ZFAND3: variants seen among roughly 807,000 people sequenced by gnomAD.
ZFAND3 encodes the protein zinc finger AN1-type containing 3, also known as AN1-type zinc finger protein 3.
A neutral mutation model predicts 29.6 loss-of-function variants in ZFAND3; 10 were observed. The ratio of observed to expected loss-of-function variants is 0.34; its 90% CI spans 0.21 to 0.57. The LOEUF (loss-of-function observed/expected upper bound fraction) is 0.57. ZFAND3 is among the 20% of genes least tolerant of loss of function. The probability of loss-of-function intolerance (pLI) is 0.86; values close to 1 mark genes in which losing one functional copy is unlikely to be tolerated. For missense variants in ZFAND3, 230 were observed against 304.5 expected (o/e 0.76, Z 1.82); for synonymous variants, 128 against 112.6 (o/e 1.14, Z -0.87).
chr6:37,913,169 A>T (rs764524406), intron 1 of ZFAND3, among the ~76,000 whole-genome samples: 3 of 152,170 alleles, frequency 2.0e-5, no homozygotes, highest in Non-Finnish European at 4.4e-5. Context: ...TAAGACAACA[A>T]TGAAGTTTGC....
rs192450354 is a variant in ZFAND3 at position 38,092,139 on chromosome 6, A to G, written c.361+9682A>G. On this transcript the variant is annotated intron_variant, in intron 4 of 5. Transcript: ENST00000287218. ...GGATCTTCAGAAATATTTCATAATC[A>G]TGGCCGATTAAAGTTGTAATCTTAT... Among the ~76,000 whole-genome samples, 716 of 152,280 alleles carry G rather than the reference A, an allele frequency of 4.7e-3. 7 individuals are homozygous for G. Among genetic ancestry groups the G allele is most frequent in the African/African-American group, 0.017 (704 of 41,538 alleles).
In ZFAND3 at chr6:38,152,679, G is replaced by C. The variant is rs1202725734; in HGVS notation, c.*290G>C. 2.7e-6 allele frequency: 3 copies of C among 1,111,316 alleles called. No homozygotes were observed. Among genetic ancestry groups the C allele is most frequent in the African/African-American group, 1.6e-5 (1 of 61,466 alleles). The allele number at this position is 1,111,316 out of a possible 1,614,324, so 68.8% of individuals were successfully genotyped here. A position where few individuals can be genotyped will look rare whatever the true frequency, so the allele number is the denominator to read the frequency against. ...TTTAAAACAACACATACCTGTCACT[G>C]CTGGAGTCAAACTTATAAAAAGCCT... On this transcript the variant is annotated 3_prime_UTR_variant, in exon 6 of 6. Transcript: ENST00000287218.
intron 2 of ZFAND3, among the ~76,000 whole-genome samples, chr6:38,056,912 C>T (rs552446270): frequency 6.6e-6 from 1 of 152,230 alleles, no homozygotes; most frequent in South Asian, 2.1e-4. Flanking sequence ...AAAGTGCAAA[C>T]GTTTTTAAAT....
intron 3 of ZFAND3, among the ~76,000 whole-genome samples, chr6:38,077,410 A>G (rs1375172416): frequency 6.6e-6 from 1 of 152,126 alleles, no homozygotes; most frequent in Non-Finnish European, 1.5e-5. Flanking sequence ...TTTAGTTGAT[A>G]AAATAATTAG....
At chr6:38,072,620 CTTTA>C (rs1347436649) in intron 3 of ZFAND3, among the ~76,000 whole-genome samples, 3 of 151,692 alleles carry the variant, frequency 2.0e-5, no homozygotes, top group African/African-American at 4.8e-5. Flanking sequence ...TAAATCTAAG[CTTTA>C]TTTATGACAA....
intron 2 of ZFAND3, among the ~76,000 whole-genome samples, chr6:37,963,433 AAAG>A (rs1038979683): frequency 6.6e-6 from 1 of 152,222 alleles, no homozygotes; most frequent in Non-Finnish European, 1.5e-5. Flanking sequence ...CTTAACTAAA[AAAG>A]CAAGAGCAAA....
intron 1 of ZFAND3, among the ~76,000 whole-genome samples, chr6:37,889,373 A>G (rs190228794): frequency 8.9e-4 from 135 of 152,308 alleles, no homozygotes; most frequent in African/African-American, 2.9e-3. Context: ...ATTGTGTGCC[A>G]AAAGGAATAA....
chr6:38,072,142 C>T (rs60972339), intron 3 of ZFAND3, among the ~76,000 whole-genome samples: 5 of 62,942 alleles, frequency 7.9e-5, no homozygotes, highest in African/African-American at 1.2e-4. Context: ...CTGTTTCTCT[C>T]TCTCTCTCTC....
At chr6:37,885,472 C>T (rs1215725892) in intron 1 of ZFAND3, among the ~76,000 whole-genome samples, 1 of 151,966 alleles carries the variant, frequency 6.6e-6, no homozygotes, top group Non-Finnish European at 1.5e-5. Context: ...GGTGAAACCC[C>T]GTTTCTTCTA....
chr6:38,120,641 T>C (rs1765516221), intron 5 of ZFAND3, among the ~76,000 whole-genome samples: 1 of 152,160 alleles, frequency 6.6e-6, no homozygotes, highest in African/African-American at 2.4e-5. Context: ...GGCTTCTTAA[T>C]CACTGTGCAA....
intron 2 of ZFAND3, among the ~76,000 whole-genome samples, chr6:37,974,400 CT>C (rs1465064520): frequency 1.3e-3 from 134 of 99,796 alleles, no homozygotes; most frequent in East Asian, 4.3e-3. Flanking sequence ...CTCTCTCTCT[CT>C]CTTTTTTTTT....
intron 5 of ZFAND3, among the ~76,000 whole-genome samples, chr6:38,127,404 G>A (rs570448992): frequency 3.9e-5 from 6 of 152,320 alleles, no homozygotes; most frequent in Admixed American, 1.3e-4. Context: ...ATTTCTGTTT[G>A]CAGATGAAGC....
At chr6:38,021,536 C>T (rs968205654) in intron 2 of ZFAND3, among the ~76,000 whole-genome samples, 1 of 152,142 alleles carries the variant, frequency 6.6e-6, no homozygotes, top group African/African-American at 2.4e-5. Flanking sequence ...AAACACTGCT[C>T]TTATGTAACA....
intron 4 of ZFAND3, among the ~76,000 whole-genome samples, chr6:38,106,881 G>T (rs1257120048): frequency 6.6e-6 from 1 of 152,120 alleles, no homozygotes; most frequent in African/African-American, 2.4e-5. Context: ...GACATTAATC[G>T]AGAAGCCTAT....
chr6:37,899,780 T>G (rs1462410917), intron 1 of ZFAND3, among the ~76,000 whole-genome samples: 1 of 152,228 alleles, frequency 6.6e-6, no homozygotes, highest in Non-Finnish European at 1.5e-5. Flanking sequence ...TCAAAATGGT[T>G]TACAGTGAAA....
chr6:37,897,198 A>G (rs901132769), intron 1 of ZFAND3, among the ~76,000 whole-genome samples: 1 of 152,222 alleles, frequency 6.6e-6, no homozygotes, highest in Non-Finnish European at 1.5e-5. Flanking sequence ...GCCCTCTTCT[A>G]CTTAAAGCCT....
At chr6:38,052,841 G>A (rs1489504726) in intron 2 of ZFAND3, among the ~76,000 whole-genome samples, 1 of 151,712 alleles carries the variant, frequency 6.6e-6, no homozygotes, top group Non-Finnish European at 1.5e-5. Flanking sequence ...TCAGGAGTTC[G>A]AGCCTGGCCA....
chr6:37,915,767 T>A (rs1251301791), intron 1 of ZFAND3: 1 of 152,126 alleles, frequency 6.6e-6, no homozygotes, highest in East Asian at 1.9e-4. Context: ...TTTAAAAAAT[T>A]TTTTGTTTAT....
chr6:37,980,698 T>C (rs1025141787), intron 2 of ZFAND3, among the ~76,000 whole-genome samples: 1 of 152,192 alleles, frequency 6.6e-6, no homozygotes, highest in Non-Finnish European at 1.5e-5. Context: ...TTAGCAAGAA[T>C]ATACAGTGAT....
Sources: allele counts gnomAD v4.1 joint callset (sites outside exome capture counted in the v4.1 genomes callset), GRCh38; gene constraint gnomAD v4.1.1; transcripts MANE v1.5; gene names NCBI Gene and HGNC (gene_info 2026-07-23, HGNC 2026-07-21).